Variants in TP63 observed in about 807,000 individuals in gnomAD.
The protein encoded by TP63 is tumor protein p63, also known as tumor protein 63.
Under a neutral mutation model 82.8 loss-of-function variants are expected in TP63, and 17 were observed. That is an observed-to-expected ratio of 0.21 (90% confidence interval 0.14 to 0.31). TP63 has a LOEUF of 0.31. TP63 is among the 10% of genes least tolerant of loss of function. The pLI is 1.00. For synonymous variants in TP63, 330 were observed against 321.7 expected (o/e 1.03, Z -0.28); for missense variants, 648 against 895.3 (o/e 0.72, Z 3.52).
the TP63 span, among the ~76,000 whole-genome samples, chr3:189,610,221 T>C: frequency 2.6e-5 from 4 of 152,148 alleles, no homozygotes; most frequent in Non-Finnish European, 5.9e-5. Context: ...TTTAATGGGG[T>C]TGTTTGTTTT....
chr3:189,875,616 A>ATATACATATATATATATATATACG (rs1560289450), intron 10 of TP63, among the ~76,000 whole-genome samples: 1 of 108,726 alleles, frequency 9.2e-6, no homozygotes, highest in African/African-American at 4.5e-5. Context: ...ATATATATAT[A>ATATACATATATATATATATATACG]TATATATATA....
chr3:189,702,468 T>C (rs573982590), intron 1 of TP63, among the ~76,000 whole-genome samples: 1 of 152,328 alleles, frequency 6.6e-6, no homozygotes, highest in African/African-American at 2.4e-5. Flanking sequence ...AATCACCTCT[T>C]CCCTACAGCT....
At chr3:189,629,494 T>A (rs140559350), upstream of TP63, among the ~76,000 whole-genome samples, 3 of 152,328 alleles carry the variant, frequency 2.0e-5, no homozygotes, top group East Asian at 5.8e-4. Flanking sequence ...TCTATATCCC[T>A]GGAAGTTAAT....
chr3:189,737,821 A>T lies in TP63; in HGVS notation c.144A>T (p.Glu48Asp). ...TGTCCCAGAGCACACAGACAAATGA[A>T]TTCCTCAGTCCAGAGGTTTTCCAGC... ...STMSQSTQTN[E>D]FLSPEVFQHI... Residue 48 changes from glutamate to aspartate, a missense_variant, in exon 2 of 14, where the codon GAA (glutamate) becomes GAT (aspartate). Physicochemically the swap from Glu to Asp is conservative, Grantham distance 45. Transcript: ENST00000264731. The T allele has an allele frequency of 1.2e-6, 2 of 1,614,036 alleles. No homozygotes were observed. The highest frequency in any genetic ancestry group is 2.2e-5 in the South Asian group (2 of 91,086).
intron 3 of TP63, among the ~76,000 whole-genome samples, chr3:189,798,765 T>G (rs1183402130): frequency 1.3e-5 from 2 of 152,094 alleles, no homozygotes; most frequent in Non-Finnish European, 2.9e-5. Context: ...CAACTTTTGG[T>G]TTTGCTCATA....
chr3:189,731,742 GA>G (rs926410130), intron 1 of TP63, among the ~76,000 whole-genome samples: 25 of 149,816 alleles, frequency 1.7e-4, no homozygotes, highest in South Asian at 8.4e-4. Context: ...AACTTGAAAA[GA>G]AAAAAAAAAT....
Position 189,725,223 on chromosome 3 carries a change from A to G in TP63, c.63-12517A>G, listed in dbSNP as rs548741951. On this transcript the variant is annotated intron_variant, in intron 1 of 13. Transcript: ENST00000264731. ...GACAAATAATTAAAACAGACATAGT[A>G]TATATAATTATTACTTTGAATGTTA... is the stretch of plus-strand genomic sequence containing the variant. Among the ~76,000 whole-genome samples, 148 of 152,358 alleles carry G rather than the reference A, an allele frequency of 9.7e-4. 1 individual carries two copies. Among genetic ancestry groups the G allele is most frequent in the African/African-American group, 3.4e-3 (140 of 41,590 alleles).
At chr3:189,873,164 T>C in intron 10 of TP63, 169 bp downstream of exon 10, 1 of 901,776 alleles carries the variant, frequency 1.1e-6, no homozygotes, top group East Asian at 2.6e-5. Context: ...CTTTTTTACG[T>C]GTCTTATTAT....
At chr3:189,659,186 A>ATT (rs1465716892) in intron 1 of TP63, among the ~76,000 whole-genome samples, 1 of 151,766 alleles carries the variant, frequency 6.6e-6, no homozygotes, top group East Asian at 1.9e-4. Context: ...CCAATAGTTC[A>ATT]TTTTTCAACC....
At chr3:189,865,203 A>G (rs572931246) in intron 5 of TP63, among the ~76,000 whole-genome samples, 2 of 152,208 alleles carry the variant, frequency 1.3e-5, no homozygotes, top group East Asian at 3.9e-4. Context: ...CCAGAAGAAG[A>G]AAAAGGAAAA....
the TP63 span, among the ~76,000 whole-genome samples, chr3:189,618,189 T>C: frequency 6.6e-6 from 1 of 152,204 alleles, no homozygotes; most frequent in African/African-American, 2.4e-5. Flanking sequence ...ATAGGTCTGT[T>C]TAGAGAAGCC....
chr3:189,805,623 C>G (rs975795348), intron 3 of TP63, among the ~76,000 whole-genome samples: 1 of 152,204 alleles, frequency 6.6e-6, no homozygotes, highest in African/African-American at 2.4e-5. Flanking sequence ...CGGCCTTGGC[C>G]AGCCTTGCCG....
intron 4 of TP63, among the ~76,000 whole-genome samples, chr3:189,824,561 G>A (rs1286514420): frequency 6.6e-6 from 1 of 152,046 alleles, no homozygotes. Flanking sequence ...CTGTGCCGGG[G>A]CTGCTGTGAA....
the TP63 span, among the ~76,000 whole-genome samples, chr3:189,619,230 G>A: frequency 6.6e-6 from 1 of 151,150 alleles, no homozygotes; most frequent in Non-Finnish European, 1.5e-5. Context: ...CAAAAAGGAA[G>A]TAAAAGCATT....
intron 3 of TP63, among the ~76,000 whole-genome samples, chr3:189,773,061 G>A (rs928374140): frequency 6.6e-6 from 1 of 152,068 alleles, no homozygotes; most frequent in African/African-American, 2.4e-5. Flanking sequence ...AAAGATCAGC[G>A]GTAAAGATTT....
At chr3:189,679,041 G>C (rs1212977709) in intron 1 of TP63, among the ~76,000 whole-genome samples, 3 of 151,940 alleles carry the variant, frequency 2.0e-5, no homozygotes, top group South Asian at 2.1e-4. Context: ...TTCATGTTTA[G>C]ATGAACAGAG....
chr3:189,684,796 A>G (rs1350162405), intron 1 of TP63, among the ~76,000 whole-genome samples: 2 of 151,794 alleles, frequency 1.3e-5, no homozygotes, highest in African/African-American at 2.4e-5. Context: ...AAGCCCAGCT[A>G]ATTTTTTATA....
At chr3:189,854,559 A>G (rs1716055717) in intron 4 of TP63, among the ~76,000 whole-genome samples, 1 of 152,166 alleles carries the variant, frequency 6.6e-6, no homozygotes, top group Non-Finnish European at 1.5e-5. Context: ...TAAAATATTA[A>G]TATTACAAAT....
intron 11 of TP63, 104 bp downstream of exon 11, chr3:189,886,655 G>C: frequency 6.6e-7 from 1 of 1,514,646 alleles, no homozygotes; most frequent in Non-Finnish European, 9.0e-7. Flanking sequence ...GAGAGACACA[G>C]TGGGACAGAT....
Sources: gnomAD v4.1 joint callset for allele counts (sites outside exome capture counted in the v4.1 genomes callset) on GRCh38, gnomAD v4.1.1 for gene constraint, MANE v1.5 for transcripts, NCBI Gene and HGNC (gene_info 2026-07-23, HGNC 2026-07-21) for gene names.